The following FTCD variants were observed in gnomAD, a reference collection of about 807,000 sequenced individuals.
FTCD encodes formimidoyltransferase-cyclodeaminase.
In FTCD, 76 loss-of-function variants were observed where a neutral mutation model predicts 62.9. That is an observed-to-expected ratio of 1.21 (90% CI 1.00 to 1.46). The LOEUF (loss-of-function observed/expected upper bound fraction) is 1.46. Ranked by LOEUF, FTCD falls within the 40% of genes most tolerant of loss-of-function variation. The probability of loss-of-function intolerance (pLI) is 0.00; values close to 1 mark genes in which losing one functional copy is unlikely to be tolerated. For synonymous variants in FTCD, 397 were observed against 336.9 expected, an observed-to-expected ratio of 1.18 and a Z score of -1.95; for missense variants, 845 against 751.3, an observed-to-expected ratio of 1.12 and a Z score of -1.46.
chr21:46,152,154 A>T (rs1470484012), intron 3 of FTCD, 174 bp from the exon 4 acceptor site: 1 of 580,322 alleles, frequency 1.7e-6, no homozygotes, highest in Non-Finnish European at 3.0e-6. Context: ...GTCCCAGTGG[A>T]CCCTCAGTGT....
At chr21:46,147,849 C>T (rs1327436078) in intron 7 of FTCD, among the ~76,000 whole-genome samples, 1 of 150,558 alleles carries the variant, frequency 6.6e-6, no homozygotes, top group Non-Finnish European at 1.5e-5. Flanking sequence ...GAGGCTGAGG[C>T]AGAGAACTGC....
rs1568985005 is a variant in FTCD, at chr21:46,152,928, C to CCA, written c.344_345dup (p.Ala116TrpfsTer102). ...TCACCTGGCACGTCCAGCTCCTCTG[C>CCA]CAGCCTCTGGCCAAAGGCCTGGGCG... On this transcript the variant is annotated frameshift_variant, in exon 3 of 14. Transcript: ENST00000397746. LOFTEE classifies it high-confidence loss of function. The CCA allele has an allele frequency of 2.6e-6, 4 of 1,567,580 alleles. No homozygotes were observed. The highest frequency in any genetic ancestry group is 1.9e-5 in the Admixed American group (1 of 53,134).
At chr21:46,138,478 G>A (rs2123480742) in intron 12 of FTCD, 30 bp downstream of exon 12, 1 of 1,566,822 alleles carries the variant, frequency 6.4e-7, no homozygotes, top group Non-Finnish European at 8.6e-7. Flanking sequence ...CTTTGCGGCA[G>A]GAGGCCTGGG....
At position 46,148,722 on chromosome 21, in the gene FTCD, T is replaced by C. The variant is rs141147264; in HGVS notation, c.906+1397A>G. On this transcript the variant is annotated intron_variant, in intron 7 of 13. Transcript: ENST00000397746. ...GAGGCGCTTTTAAAAGTCTGTCCTT[T>C]GAAACTATGTCAAGGTCAATGAAGG... Among the ~76,000 whole-genome samples, 28 of 152,318 alleles carry C rather than the reference T, an allele frequency of 1.8e-4. 1 individual carries two copies. In the East Asian group the frequency reaches 5.0e-3, roughly 27 times the overall value.
In FTCD at chr21:46,145,328, G is replaced by A; in HGVS notation, c.1260+89C>T. On this transcript the variant is annotated intron_variant, in intron 10 of 13. Transcript: ENST00000397746. ...CCTCCTGGTCCCCAGCCCCTCCCCAGCCGGAGGCTGACCCGCTTCTCACTG... is the reference window on the plus strand; with the variant it reads ...CCTCCTGGTCCCCAGCCCCTCCCCAACCGGAGGCTGACCCGCTTCTCACTG... The A allele has an allele frequency of 1.8e-6, 2 of 1,126,680 alleles. 1 individual carries two copies. The highest frequency in any genetic ancestry group is 5.3e-5 in the East Asian group (2 of 37,988). 69.8% of individuals were successfully genotyped at this position (1,126,680 alleles called of 1,614,324 possible).
intron 3 of FTCD, chr21:46,152,459 G>A (rs1016673324): frequency 3.5e-5 from 7 of 200,372 alleles, no homozygotes; most frequent in Admixed American, 5.4e-5. Flanking sequence ...TGACCGTGAC[G>A]GGGGTTACGT....
rs1176261050 is a variant in FTCD, at chr21:46,151,679, C to T, written c.515G>A (p.Gly172Glu). 4 of 1,613,030 alleles carry T rather than the reference C, an allele frequency of 2.5e-6. No homozygotes were observed. Among genetic ancestry groups the T allele is most frequent in the Admixed American group, 1.7e-5 (1 of 60,030 alleles). ...CTTCCTCGCCCCCGTGGCCGTGGCC[C>T]CCCAACTGGGGACAAAGGAGCTGGG... ...FGPSSFVPSW[G>E]ATATGARKFL... The change falls in exon 5 of 14, where the codon GGG becomes GAG. Residue 172 changes from glycine (G) to glutamate (E), a missense_variant. Transcript: ENST00000397746.
At position 46,138,491 on chromosome 21, in the gene FTCD, C is replaced by T; in HGVS notation, c.1443+17G>A. ...TGCTTTGCGGCAGGAGGCCTGGGGT[C>T]CCCCGGGCCCCCCTACCTGGAGGTC... is the stretch of plus-strand genomic sequence containing the variant. On this transcript the variant is annotated intron_variant, in intron 12 of 13. Coordinates refer to ENST00000397746, the MANE Select transcript of FTCD (RefSeq NM_206965.2). 3 of 1,573,594 alleles carry T rather than the reference C, an allele frequency of 1.9e-6. No individual in the cohort carries two copies. Among genetic ancestry groups the T allele is most frequent in the South Asian group, 1.2e-5 (1 of 86,878 alleles).
intron 7 of FTCD, among the ~76,000 whole-genome samples, chr21:46,147,975 G>A (rs1056617225): frequency 2.0e-5 from 3 of 150,588 alleles, no homozygotes; most frequent in African/African-American, 7.3e-5. Flanking sequence ...AAGACAAAAC[G>A]CCACACTGGA....
rs886895687 is a variant in FTCD at position 46,148,266 on chromosome 21, T to A, written c.906+1853A>T. Among the ~76,000 whole-genome samples the A allele has an allele frequency of 3.9e-5, 6 of 152,126 alleles. No individual in the cohort carries two copies. In the East Asian group the frequency reaches 1.2e-3, roughly 29 times the overall value. Reference sequence around the variant, plus strand: ...GGTCCACGTCGGCACCCTGAGAAAATGAGCATCATGGGGAGTCGGCGTCTC... The same window carrying A: ...GGTCCACGTCGGCACCCTGAGAAAAAGAGCATCATGGGGAGTCGGCGTCTC... On this transcript the variant is annotated intron_variant, in intron 7 of 13. Transcript: ENST00000397746.
At chr21:46,146,010 G>A (rs1039618059) in intron 8 of FTCD, 63 bp from the exon 9 acceptor site, 71 of 1,058,782 alleles carry the variant, frequency 6.7e-5, no homozygotes, top group Non-Finnish European at 8.8e-5. Flanking sequence ...CAGTCCTCCC[G>A]GGGCGGCCCC....
intron 7 of FTCD, 162 bp from the exon 8 acceptor site, chr21:46,146,489 C>G: frequency 1.6e-6 from 1 of 633,874 alleles, no homozygotes; most frequent in South Asian, 1.8e-5. Context: ...CCCCCCACCT[C>G]TGCCCCGCCA....
At chr21:46,151,532 T>A (rs2079274237) in intron 5 of FTCD, 26 bp downstream of exon 5, 14 of 1,600,272 alleles carry the variant, frequency 8.7e-6, no homozygotes, top group Non-Finnish European at 1.2e-5. Context: ...TGGGTGGGGC[T>A]CCATGGGGTC....
chr21:46,136,919 G>A lies in FTCD; in HGVS notation c.*68C>T. ...ACGAACAAGCTGTGTCCCCACCGAG[G>A]TCACAGCTCTGCCCTCTGGGGATGG... On this transcript the variant is annotated 3_prime_UTR_variant, in exon 14 of 14. Transcript: ENST00000397746. 3 of 1,609,264 alleles carry A rather than the reference G, an allele frequency of 1.9e-6. No individual in the cohort carries two copies. The highest frequency in any genetic ancestry group is 2.5e-6 in the Non-Finnish European group (3 of 1,178,532).
In FTCD at chr21:46,144,787, G is replaced by A. The variant is rs1436142082; in HGVS notation, c.1260+630C>T. Among the ~76,000 whole-genome samples, 3 of 140,358 alleles carry A rather than the reference G, an allele frequency of 2.1e-5. 1 individual carries two copies. The highest frequency in any genetic ancestry group is 8.2e-5 in the African/African-American group (3 of 36,672). 92.1% of individuals were successfully genotyped at this position (140,358 alleles called of 152,430 possible). A position where few individuals can be genotyped will look rare whatever the true frequency, so the allele number is the denominator to read the frequency against. ...TCCTGTCCTCTCCTGGGCTGGAACTGCTTGGGAGCATCCTGACCTTGTCAC... is the reference window on the plus strand; with the variant it reads ...TCCTGTCCTCTCCTGGGCTGGAACTACTTGGGAGCATCCTGACCTTGTCAC... On this transcript the variant is annotated intron_variant, in intron 10 of 13. Transcript: ENST00000397746.
At chr21:46,155,408 G>A in intron 1 of FTCD, 62 bp downstream of exon 1, 1 of 1,374,220 alleles carries the variant, frequency 7.3e-7, no homozygotes, top group Non-Finnish European at 1.0e-6. Context: ...CCATGGCCTG[G>A]GCCTTAGCCA....
rs1374055860 is a variant in FTCD, at chr21:46,150,492, A to G, written c.670T>C (p.Trp224Arg). ...GRLKKVQGIGWYLDEKNLAQV... is the reference protein window; with the variant it reads ...GRLKKVQGIGRYLDEKNLAQV... ...GCCAGGTTCTTCTCATCCAGGTACC[A>G]GCCAATGCCCTGAACTTTCTTCAGA... Residue 224 changes from tryptophan to arginine, a missense_variant, in exon 6 of 14, where the codon TGG (tryptophan) becomes CGG (arginine). Trp to Arg is a moderately radical substitution (Grantham distance 101). Coordinates refer to ENST00000397746, the MANE Select transcript of FTCD (RefSeq NM_206965.2). The G allele has an allele frequency of 1.2e-6, 2 of 1,613,376 alleles. No homozygotes were observed. Among genetic ancestry groups the G allele is most frequent in the South Asian group, 1.1e-5 (1 of 91,084 alleles).
chr21:46,152,713 CG>C, intron 3 of FTCD, 193 bp downstream of exon 3: 1 of 552,526 alleles, frequency 1.8e-6, no homozygotes, highest in Non-Finnish European at 3.2e-6. Context: ...GAGGAGGCCC[CG>C]GGCCTGCACG....
chr21:46,155,456 T>G lies in FTCD; in HGVS notation c.54+14A>C. ...CATCAGCCCTAGATGCTTGACCAGC[T>G]CCTCGGGCCTCACCTCCTGGTTCTT... On this transcript the variant is annotated intron_variant, in intron 1 of 13. Coordinates refer to ENST00000397746, the MANE Select transcript of FTCD (RefSeq NM_206965.2). 6.2e-7 allele frequency: 1 copy of G among 1,608,600 alleles called. No individual in the cohort carries two copies. Among genetic ancestry groups the G allele is most frequent in the Non-Finnish European group, 8.5e-7 (1 of 1,175,936 alleles).
Sources: gnomAD v4.1 joint callset for allele counts (sites outside exome capture counted in the v4.1 genomes callset) on GRCh38, gnomAD v4.1.1 for gene constraint, MANE v1.5 for transcripts, NCBI Gene and HGNC (gene_info 2026-07-23, HGNC 2026-07-21) for gene names.